Variants in TPRG1 observed in about 807,000 individuals in gnomAD.
TPRG1 encodes tumor protein p63 regulated 1, also known as tumor protein p63-regulated gene 1 protein.
A neutral mutation model predicts 29.3 loss-of-function variants in TPRG1; 29 were observed. The ratio of observed to expected loss-of-function variants is 0.99; its 90% CI spans 0.74 to 1.35. TPRG1 has a LOEUF of 1.35. Among genes scored for constraint, TPRG1 ranks in the 40% most tolerant of loss-of-function variants. The pLI is 0.00. For synonymous variants in TPRG1, 130 were observed against 116.8 expected (o/e 1.11, Z -0.73); for missense variants, 327 against 335.0 (o/e 0.98, Z 0.19).
At position 189,016,831 on chromosome 3, in the gene TPRG1, C is replaced by A. The variant is rs576040716; in HGVS notation, c.-659-6919C>A. ...TGATAGTAAGTTTCCTGAGGCCCCC[C>A]AGTCATGCTTTCTATTAAGCCTACA... On this transcript the variant is annotated intron_variant, in intron 3 of 10. Coordinates refer to the TPRG1 transcript ENST00000433971. 4.6e-5 allele frequency among the ~76,000 whole-genome samples: 7 copies of A among 152,272 alleles called. No individual in the cohort carries two copies. The South Asian group carries it at 1.5e-3, about 32-fold the overall frequency.
At chr3:189,320,025 C>T (rs1724124518) in intron 5 of TPRG1, among the ~76,000 whole-genome samples, 1 of 152,066 alleles carries the variant, frequency 6.6e-6, no homozygotes, top group Non-Finnish European at 1.5e-5. Context: ...TGTGAAGTAA[C>T]TCTAACTTTC....
At chr3:189,129,112 A>G (rs1722820718) in intron 2 of TPRG1, among the ~76,000 whole-genome samples, 1 of 152,226 alleles carries the variant, frequency 6.6e-6, no homozygotes, top group Non-Finnish European at 1.5e-5. Flanking sequence ...TGGACTTTAT[A>G]CATATTTCAT....
intron 3 of TPRG1, among the ~76,000 whole-genome samples, chr3:189,231,975 T>TGTGTGTGTGTG (rs1553927561): frequency 9.3e-6 from 1 of 107,698 alleles, no homozygotes; most frequent in Admixed American, 9.4e-5. Context: ...GTGTGTGTGT[T>TGTGTGTGTGTG]TGGGTGTATA....
intron 2 of TPRG1, chr3:189,211,731 A>G (rs1305315220): frequency 1.3e-5 from 2 of 152,176 alleles, no homozygotes; most frequent in African/African-American, 4.8e-5. Context: ...GCCAAGGTCA[A>G]CAAGCAACCT....
chr3:189,012,251 G>A (rs1362004880), intron 3 of TPRG1, among the ~76,000 whole-genome samples: 1 of 152,142 alleles, frequency 6.6e-6, no homozygotes, highest in Non-Finnish European at 1.5e-5. Flanking sequence ...CCCATTCACT[G>A]TGATATTGGT....
At chr3:189,213,773 G>T (rs1216454891) in intron 2 of TPRG1, among the ~76,000 whole-genome samples, 1 of 151,818 alleles carries the variant, frequency 6.6e-6, no homozygotes, top group Non-Finnish European at 1.5e-5. Context: ...GCAGAAAATG[G>T]CATATTTCAC....
At chr3:189,158,895 T>A (rs148989716) in intron 5 of TPRG1, among the ~76,000 whole-genome samples, 304 of 152,316 alleles carry the variant, frequency 2.0e-3, no homozygotes, top group African/African-American at 6.3e-3. Flanking sequence ...AAAGTATCTT[T>A]TCTATCCAAA....
intron 3 of TPRG1, among the ~76,000 whole-genome samples, chr3:189,020,080 C>T (rs938428162): frequency 1.3e-5 from 2 of 151,884 alleles, no homozygotes; most frequent in Non-Finnish European, 2.9e-5. Flanking sequence ...GTGGTGATAC[C>T]CCTTTATCAT....
At chr3:189,309,839 G>A (rs1218519174) in intron 4 of TPRG1, 1 of 152,228 alleles carries the variant, frequency 6.6e-6, no homozygotes, top group Non-Finnish European at 1.5e-5. Context: ...TTCACTGAAT[G>A]GAATGTGTGC....
intron 5 of TPRG1, among the ~76,000 whole-genome samples, chr3:189,155,198 T>C (rs572764393): frequency 8.5e-5 from 13 of 152,172 alleles, no homozygotes; most frequent in South Asian, 2.1e-4. Context: ...ATAAAATGTT[T>C]TGAGGAAGGG....
At chr3:189,187,006 T>TTTTTG (rs1731021952) in intron 1 of TPRG1, among the ~76,000 whole-genome samples, 1 of 148,560 alleles carries the variant, frequency 6.7e-6, no homozygotes, top group Non-Finnish European at 1.5e-5. Context: ...TTTTTTTTTT[T>TTTTTG]GAGATGGAGT....
chr3:189,076,284 G>A (rs1036067664), intron 4 of TPRG1, among the ~76,000 whole-genome samples: 1 of 152,158 alleles, frequency 6.6e-6, no homozygotes, highest in African/African-American at 2.4e-5. Context: ...ATAATGATAT[G>A]GTGAAATGAA....
intron 4 of TPRG1, among the ~76,000 whole-genome samples, chr3:189,279,372 A>G (rs1369807141): frequency 6.6e-6 from 1 of 152,202 alleles, no homozygotes; most frequent in East Asian, 1.9e-4. Flanking sequence ...GACATCAGGA[A>G]TGTTCTCTAA....
chr3:189,069,812 C>T (rs1184726264), intron 4 of TPRG1, among the ~76,000 whole-genome samples: 1 of 152,094 alleles, frequency 6.6e-6, no homozygotes, highest in Non-Finnish European at 1.5e-5. Context: ...CTCCACAATA[C>T]AAAGGAAAAA....
intron 4 of TPRG1, among the ~76,000 whole-genome samples, chr3:189,029,114 G>A (rs1270120776): frequency 6.6e-6 from 1 of 151,954 alleles, no homozygotes; most frequent in East Asian, 1.9e-4. Flanking sequence ...AATAAAAATT[G>A]AGCCTTTTTT....
intron 2 of TPRG1, among the ~76,000 whole-genome samples, chr3:189,214,613 G>T (rs1735755327): frequency 6.6e-6 from 1 of 152,146 alleles, no homozygotes; most frequent in Non-Finnish European, 1.5e-5. Context: ...TGTTAGAAAT[G>T]CAAATTCTCA....
intron 1 of TPRG1, among the ~76,000 whole-genome samples, chr3:189,200,734 C>G (rs1733339664): frequency 6.6e-6 from 1 of 152,202 alleles, no homozygotes; most frequent in Admixed American, 6.5e-5. Context: ...CTTTATTTAA[C>G]TAAATTGTAA....
At position 189,044,838 on chromosome 3, in the gene TPRG1, T is replaced by C. The variant is rs112398091; in HGVS notation, c.-463+20892T>C. Among the ~76,000 whole-genome samples the C allele has an allele frequency of 8.3e-4, 126 of 152,328 alleles. 1 individual carries two copies. Among genetic ancestry groups the C allele is most frequent in the African/African-American group, 2.6e-3 (110 of 41,576 alleles). Reference sequence around the variant, plus strand: ...TGAATGTTTTAGAGAAAGGGAATGATATGATCAGATCAAAGGATTAGAATT... The same window carrying C: ...TGAATGTTTTAGAGAAAGGGAATGACATGATCAGATCAAAGGATTAGAATT... On this transcript the variant is annotated intron_variant, in intron 4 of 10. Transcript: ENST00000433971.
At chr3:189,170,216 T>C (rs1332635918), upstream of TPRG1, among the ~76,000 whole-genome samples, 4 of 152,198 alleles carry the variant, frequency 2.6e-5, no homozygotes, top group African/African-American at 9.7e-5. Flanking sequence ...GGTATTTGCC[T>C]CGCAATTATT....
Sources: gnomAD v4.1 joint callset for allele counts (sites outside exome capture counted in the v4.1 genomes callset) on GRCh38, gnomAD v4.1.1 for gene constraint, MANE v1.5 for transcripts, NCBI Gene and HGNC (gene_info 2026-07-23, HGNC 2026-07-21) for gene names.